NMNAT3: variants seen among roughly 807,000 people sequenced by gnomAD.
The protein encoded by NMNAT3 is nicotinamide nucleotide adenylyltransferase 3.
In NMNAT3, 21 loss-of-function variants were observed where a neutral mutation model predicts 24.8. The observed-to-expected ratio is 0.85, with a 90% CI of 0.60 to 1.22. NMNAT3 has a LOEUF of 1.22. Ranked by LOEUF, NMNAT3 falls within the 50% of genes most tolerant of loss-of-function variation. The pLI is 0.00. For missense variants in NMNAT3, 387 were observed against 436.6 expected (o/e 0.89, Z 1.01); for synonymous variants, 136 against 155.2 (o/e 0.88, Z 0.92).
chr3:139,634,763 G>A (rs1488579847), intron 2 of NMNAT3, 116 bp from the exon 3 acceptor site: 1 of 152,164 alleles, frequency 6.6e-6, no homozygotes, highest in African/African-American at 2.4e-5. Flanking sequence ...GGAGCACAAG[G>A]CGTGGAATGA....
At chr3:139,575,977 G>C (rs761363434) in intron 5 of NMNAT3, 14 of 1,288,296 alleles carry the variant, frequency 1.1e-5, no homozygotes, top group Non-Finnish European at 1.4e-5. Flanking sequence ...TAGCCTCTCT[G>C]AGCCTCAGTT....
At chr3:139,591,208 G>A (rs889049439) in intron 3 of NMNAT3, among the ~76,000 whole-genome samples, 6 of 151,482 alleles carry the variant, frequency 4.0e-5, no homozygotes, top group Non-Finnish European at 4.4e-5. Flanking sequence ...AAGGGGTGAC[G>A]GACGCACCTG....
intron 2 of NMNAT3, among the ~76,000 whole-genome samples, chr3:139,632,353 G>A (rs1311596583): frequency 6.6e-6 from 1 of 151,954 alleles, no homozygotes; most frequent in Non-Finnish European, 1.5e-5. Flanking sequence ...TTGCCTATTG[G>A]GCCCTCTTTA....
intron 2 of NMNAT3, chr3:139,634,295 A>T (rs948174489): frequency 6.6e-6 from 1 of 152,232 alleles, no homozygotes; most frequent in Admixed American, 6.5e-5. Flanking sequence ...CAGGCCCGGG[A>T]AAGTGGCTGA....
intron 1 of NMNAT3, among the ~76,000 whole-genome samples, chr3:139,653,328 C>A (rs957283793): frequency 1.3e-5 from 2 of 151,934 alleles, no homozygotes; most frequent in Non-Finnish European, 2.9e-5. Flanking sequence ...ATTGTTAAAA[C>A]CCCCATAATT....
intron 3 of NMNAT3, among the ~76,000 whole-genome samples, chr3:139,593,961 CA>C (rs2054321927): frequency 6.7e-6 from 1 of 149,788 alleles, no homozygotes; most frequent in African/African-American, 2.5e-5. Context: ...TAACTAAAAT[CA>C]GAGCAGAACT....
intron 3 of NMNAT3, among the ~76,000 whole-genome samples, chr3:139,591,974 A>T (rs1363365571): frequency 6.6e-6 from 1 of 152,244 alleles, no homozygotes; most frequent in East Asian, 1.9e-4. Flanking sequence ...ATGGAGAATG[A>T]CTTTGACGAG....
chr3:139,598,315 T>G (rs989314671), intron 3 of NMNAT3, among the ~76,000 whole-genome samples: 7 of 152,188 alleles, frequency 4.6e-5, no homozygotes, highest in Non-Finnish European at 7.3e-5. Flanking sequence ...TATTTGTGAC[T>G]GCTTTACTCA....
intron 3 of NMNAT3, among the ~76,000 whole-genome samples, chr3:139,586,762 CAG>C (rs2053957013): frequency 6.6e-6 from 1 of 152,102 alleles, no homozygotes; most frequent in Non-Finnish European, 1.5e-5. Flanking sequence ...CCCGGGGAAT[CAG>C]AGTGCACAGT....
At chr3:139,647,251 C>T (rs1050419589) in intron 1 of NMNAT3, among the ~76,000 whole-genome samples, 3 of 152,202 alleles carry the variant, frequency 2.0e-5, no homozygotes, top group Admixed American at 6.5e-5. Flanking sequence ...TTCTGTCTGA[C>T]CTTGACTCTG....
At chr3:139,575,542 G>T in intron 5 of NMNAT3, 8 of 978,660 alleles carry the variant, frequency 8.2e-6, no homozygotes, top group Non-Finnish European at 9.7e-6. Flanking sequence ...ACACATAGAG[G>T]GTGATTAGTA....
chr3:139,672,877 G>C (rs1365626307), intron 1 of NMNAT3, among the ~76,000 whole-genome samples: 1 of 152,160 alleles, frequency 6.6e-6, no homozygotes, highest in African/African-American at 2.4e-5. Context: ...GAAATGAATG[G>C]GTTTCGAAGG....
At position 139,615,078 on chromosome 3, in the gene NMNAT3, TC is replaced by T. The variant is rs1328849822; in HGVS notation, c.109+12537del. On this transcript the variant is annotated intron_variant, in intron 3 of 6. Coordinates refer to ENST00000643695, the MANE Select transcript of NMNAT3 (RefSeq NM_001320510.2). ...TGTAAATGTATTAAATGAGTTATAATCCCTTATTATTTGTTTTTATGTTCAA... is the reference window on the plus strand; with the variant it reads ...TGTAAATGTATTAAATGAGTTATAATCCTTATTATTTGTTTTTATGTTCAA... Among the ~76,000 whole-genome samples, 3 of 152,336 alleles carry T rather than the reference TC, an allele frequency of 2.0e-5. No individual in the cohort carries two copies. In the East Asian group the frequency reaches 5.8e-4, roughly 29 times the overall value.
At chr3:139,615,335 G>GGTT (rs1478393816) in intron 3 of NMNAT3, among the ~76,000 whole-genome samples, 3 of 151,978 alleles carry the variant, frequency 2.0e-5, no homozygotes, top group Non-Finnish European at 1.5e-5. Flanking sequence ...TGGCTACTGG[G>GGTT]GTACAACTAT....
intron 1 of NMNAT3, among the ~76,000 whole-genome samples, chr3:139,648,599 T>G (rs2056949209): frequency 6.6e-6 from 1 of 152,236 alleles, no homozygotes; most frequent in Non-Finnish European, 1.5e-5. Context: ...TAGGGATGTG[T>G]AGGCATGTAC....
intron 1 of NMNAT3, among the ~76,000 whole-genome samples, chr3:139,659,760 A>G (rs141309993): frequency 8.3e-4 from 126 of 152,346 alleles, no homozygotes; most frequent in African/African-American, 2.9e-3. Context: ...CAAGCCTTTC[A>G]TGTAATTGGT....
intron 3 of NMNAT3, among the ~76,000 whole-genome samples, chr3:139,586,416 C>T (rs894549684): frequency 6.6e-6 from 1 of 152,166 alleles, no homozygotes; most frequent in South Asian, 2.1e-4. Flanking sequence ...GTGCTACCCA[C>T]CACTTTTTGT....
rs1343098114 is a variant in NMNAT3, at chr3:139,583,429, T to C, written c.110-221A>G. The stretch of plus-strand genomic sequence containing the variant: ...AACCACCACATTTGAGACATTTTGA[T>C]CTCCCACTTTGCTGAGCTTTTTGAA... On this transcript the variant is annotated intron_variant, in intron 3 of 6. Transcript: ENST00000643695. 4 of 1,592,862 alleles carry C rather than the reference T, an allele frequency of 2.5e-6. No individual in the cohort carries two copies. In the African/African-American group the frequency reaches 5.4e-5, roughly 21 times the overall value.
At chr3:139,658,416 GCCAT>G (rs543348175) in intron 1 of NMNAT3, among the ~76,000 whole-genome samples, 36 of 152,318 alleles carry the variant, frequency 2.4e-4, no homozygotes, top group Admixed American at 5.9e-4. Flanking sequence ...TCTGTGAGGA[GCCAT>G]CCCCTATCAA....
Sources: gnomAD v4.1 joint callset for allele counts (sites outside exome capture counted in the v4.1 genomes callset) on GRCh38, gnomAD v4.1.1 for gene constraint, MANE v1.5 for transcripts, NCBI Gene and HGNC (gene_info 2026-07-23, HGNC 2026-07-21) for gene names.